SPATA6: variants seen among roughly 807,000 people sequenced by gnomAD.
SPATA6 encodes the protein spermatogenesis-associated protein 6.
Under a neutral mutation model 65.3 loss-of-function variants are expected in SPATA6, and 56 were observed. The ratio of observed to expected loss-of-function variants is 0.86; its 90% CI spans 0.69 to 1.07. The LOEUF (loss-of-function observed/expected upper bound fraction) is 1.07. Ranked by LOEUF, SPATA6 falls within the 50% of genes least tolerant of loss-of-function variation. The pLI is 0.00. For missense variants in SPATA6, 590 were observed against 594.8 expected (o/e 0.99, Z 0.08); for synonymous variants, 199 against 213.2 (o/e 0.93, Z 0.58).
intron 11 of SPATA6, among the ~76,000 whole-genome samples, chr1:48,323,093 A>G (rs1305149298): frequency 1.3e-5 from 2 of 152,196 alleles, no homozygotes; most frequent in Non-Finnish European, 2.9e-5. Context: ...AGGATTATAA[A>G]TCATTCTACT....
chr1:48,371,270 T>TATAGATAGATAG (rs59198017), intron 9 of SPATA6, among the ~76,000 whole-genome samples: 1,526 of 131,682 alleles, frequency 0.012, 14 homozygotes, highest in Middle Eastern at 0.03. Flanking sequence ...TATGTATCTA[T>TATAGATAGATAG]ATAGATAGAT....
rs957443112 is a variant in SPATA6, at chr1:48,413,127, A to G, written c.263T>C (p.Ile88Thr). 2.9e-6 allele frequency: 4 copies of G among 1,394,016 alleles called. No homozygotes were observed. The African/African-American group carries it at 6.1e-5, about 21-fold the overall frequency. The allele number at this position is 1,394,016 out of a possible 1,614,324, so 86.4% of individuals were successfully genotyped here. ...TATATTACCTGGTGGAACTAGCTGT[A>G]TCAACTCGAACACTGCTGTATCATC... ...LEYDTAVFEL[I>T]QLVPPVGETL... is the part of the protein sequence containing the mutation. Residue 88 changes from isoleucine (I) to threonine (T), a missense_variant, in exon 4 of 13, where the codon ATA (isoleucine) becomes ACA (threonine). Coordinates refer to ENST00000371847, the MANE Select transcript of SPATA6 (RefSeq NM_019073.4).
intron 11 of SPATA6, among the ~76,000 whole-genome samples, chr1:48,340,831 G>C (rs1238373756): frequency 3.9e-5 from 6 of 152,042 alleles, no homozygotes; most frequent in African/African-American, 9.7e-5. Context: ...GAAATACCAA[G>C]CAACATTATT....
At chr1:48,374,322 A>G (rs1439476479) in intron 9 of SPATA6, among the ~76,000 whole-genome samples, 1 of 152,138 alleles carries the variant, frequency 6.6e-6, no homozygotes, top group Non-Finnish European at 1.5e-5. Context: ...AAAAAAAAAA[A>G]AGAAGTCCAT....
chr1:48,469,799 G>T (rs1033722998), intron 1 of SPATA6, among the ~76,000 whole-genome samples: 3 of 146,398 alleles, frequency 2.0e-5, no homozygotes, highest in Admixed American at 6.8e-5. Context: ...TGCTAGTGGG[G>T]TTTTTTTTGT....
the SPATA6 span, among the ~76,000 whole-genome samples, chr1:48,286,265 G>A: frequency 6.6e-6 from 1 of 151,404 alleles, no homozygotes; most frequent in East Asian, 1.9e-4. Flanking sequence ...ATTGCTTTGG[G>A]TAGTACAGAC....
chr1:48,405,593 A>G (rs1228891415), intron 5 of SPATA6, among the ~76,000 whole-genome samples: 1 of 152,100 alleles, frequency 6.6e-6, no homozygotes, highest in Non-Finnish European at 1.5e-5. Flanking sequence ...CAACTCATAA[A>G]CCTCTCCAAA....
downstream of SPATA6, among the ~76,000 whole-genome samples, chr1:48,292,061 ATTTC>A (rs1262576415): frequency 6.6e-6 from 1 of 152,124 alleles, no homozygotes; most frequent in Non-Finnish European, 1.5e-5. Context: ...ATGAATACCC[ATTTC>A]TTTGGGGTCA....
chr1:48,272,665 C>G, the SPATA6 span, among the ~76,000 whole-genome samples: 4 of 152,050 alleles, frequency 2.6e-5, no homozygotes, highest in South Asian at 2.1e-4. Flanking sequence ...TACCTCTTTG[C>G]AATTCTTATT....
the SPATA6 span, among the ~76,000 whole-genome samples, chr1:48,280,316 A>T: frequency 2.0e-5 from 3 of 152,212 alleles, no homozygotes; most frequent in Admixed American, 2.0e-4. Flanking sequence ...AGCAGAAGGC[A>T]AGAAATAACT....
intron 3 of SPATA6, chr1:48,436,727 T>C (rs2148082117): frequency 4.3e-6 from 7 of 1,614,200 alleles, no homozygotes; most frequent in East Asian, 2.2e-5. Flanking sequence ...ATTTACAGTG[T>C]TGGGATTACA....
intron 3 of SPATA6, among the ~76,000 whole-genome samples, chr1:48,426,652 T>A (rs944356316): frequency 2.6e-5 from 4 of 152,052 alleles, no homozygotes; most frequent in East Asian, 3.8e-4. Context: ...AAAATTTTTT[T>A]AATTTAAATT....
At chr1:48,267,129 AT>A in the SPATA6 span, among the ~76,000 whole-genome samples, 1 of 152,158 alleles carries the variant, frequency 6.6e-6, no homozygotes, top group Non-Finnish European at 1.5e-5. Flanking sequence ...AAGTTCCCTT[AT>A]CCCCATCTCA....
intron 3 of SPATA6, among the ~76,000 whole-genome samples, chr1:48,438,126 A>G (rs201153837): frequency 2.0e-5 from 3 of 152,090 alleles, no homozygotes; most frequent in African/African-American, 7.2e-5. Context: ...GCTCTTCACA[A>G]TAAATCTTGC....
chr1:48,289,339 T>A, the SPATA6 span, among the ~76,000 whole-genome samples: 2 of 151,938 alleles, frequency 1.3e-5, no homozygotes, highest in Non-Finnish European at 2.9e-5. Flanking sequence ...CAAAACCCCA[T>A]CTGTACATCA....
chr1:48,278,478 A>G, the SPATA6 span, among the ~76,000 whole-genome samples: 1 of 152,356 alleles, frequency 6.6e-6, no homozygotes, highest in African/African-American at 2.4e-5. Flanking sequence ...AATACAGAGA[A>G]CTGCTTAAAG....
intron 9 of SPATA6, among the ~76,000 whole-genome samples, chr1:48,382,629 ACCCCCCCCCCC>A (rs1158594255): frequency 2.7e-3 from 14 of 5,144 alleles, no homozygotes; most frequent in Non-Finnish European, 5.1e-3. Context: ...CGGCTGGCCG[ACCCCCCCCCCC>A]CCGCCTCCCT....
chr1:48,369,719 T>C (rs967135353), intron 9 of SPATA6, among the ~76,000 whole-genome samples: 2 of 152,214 alleles, frequency 1.3e-5, no homozygotes, highest in African/African-American at 2.4e-5. Flanking sequence ...CCCTGACCCC[T>C]TGCACTTCCC....
intron 9 of SPATA6, among the ~76,000 whole-genome samples, chr1:48,377,737 A>C: frequency 6.6e-6 from 1 of 151,192 alleles, no homozygotes. Flanking sequence ...ATCTTTTTTA[A>C]AGAGATAAAG....
Sources: allele counts gnomAD v4.1 joint callset (sites outside exome capture counted in the v4.1 genomes callset), GRCh38; gene constraint gnomAD v4.1.1; transcripts MANE v1.5; gene names NCBI Gene and HGNC (gene_info 2026-07-23, HGNC 2026-07-21).